DSCAM: variants seen among roughly 807,000 people sequenced by gnomAD.
The protein encoded by DSCAM is cell adhesion molecule DSCAM.
A neutral mutation model predicts 217.7 loss-of-function variants in DSCAM; 47 were observed. That is an observed-to-expected ratio of 0.22 (90% CI 0.17 to 0.28). The LOEUF (loss-of-function observed/expected upper bound fraction) is 0.28, where lower values mean the gene tolerates loss of function less well. Ranked by LOEUF, DSCAM falls within the 10% of genes least tolerant of loss-of-function variation. DSCAM has a pLI of 1.00. For synonymous variants in DSCAM, 1,056 were observed against 1,015.3 expected (o/e 1.04, Z -0.76); for missense variants, 2,080 against 2,618.3 (o/e 0.79, Z 4.49).
chr21:40,359,711 A>G (rs1872363775), intron 4 of DSCAM, among the ~76,000 whole-genome samples: 1 of 152,232 alleles, frequency 6.6e-6, no homozygotes, highest in Non-Finnish European at 1.5e-5. Flanking sequence ...CAAAATCCAT[A>G]TATCAATTTA....
intron 14 of DSCAM, among the ~76,000 whole-genome samples, chr21:40,185,648 C>T (rs1481294435): frequency 6.6e-6 from 1 of 152,246 alleles, no homozygotes; most frequent in Non-Finnish European, 1.5e-5. Flanking sequence ...ATCACTGTCA[C>T]TAAGTTCCAG....
chr21:40,803,184 C>T (rs1460589947), intron 1 of DSCAM, among the ~76,000 whole-genome samples: 1 of 152,214 alleles, frequency 6.6e-6, no homozygotes, highest in African/African-American at 2.4e-5. Flanking sequence ...CAGCTGAAAT[C>T]TCATATGTTT....
intron 3 of DSCAM, among the ~76,000 whole-genome samples, chr21:40,594,195 T>C (rs1322439363): frequency 2.0e-5 from 3 of 152,178 alleles, no homozygotes; most frequent in Non-Finnish European, 4.4e-5. Context: ...GTCATCCTCT[T>C]AAAGGTAAAA....
At chr21:40,712,397 A>G (rs1203215612) in intron 1 of DSCAM, among the ~76,000 whole-genome samples, 3 of 137,084 alleles carry the variant, frequency 2.2e-5, no homozygotes, top group African/African-American at 8.2e-5. Flanking sequence ...CGGGAAGCGG[A>G]GCTTGCAGTG....
intron 3 of DSCAM, among the ~76,000 whole-genome samples, chr21:40,413,393 G>A (rs572609814): frequency 6.6e-6 from 1 of 152,350 alleles, no homozygotes; most frequent in South Asian, 2.1e-4. Context: ...CAGAGGCAGA[G>A]CTGCCCAGAC....
At chr21:40,266,813 C>CA (rs2073543480) in intron 11 of DSCAM, among the ~76,000 whole-genome samples, 2 of 129,432 alleles carry the variant, frequency 1.5e-5, no homozygotes, top group South Asian at 4.8e-4. Context: ...CACACACACA[C>CA]CCCCACACAC....
intron 1 of DSCAM, among the ~76,000 whole-genome samples, chr21:40,745,783 C>T (rs535809725): frequency 4.0e-5 from 6 of 151,818 alleles, no homozygotes; most frequent in Admixed American, 1.3e-4. Context: ...AATTGTGGAA[C>T]GTAAACCACT....
intron 10 of DSCAM, among the ~76,000 whole-genome samples, 166 bp downstream of exon 10, chr21:40,295,889 C>T (rs1223285782): frequency 6.6e-6 from 1 of 152,194 alleles, no homozygotes; most frequent in African/African-American, 2.4e-5. Flanking sequence ...ATAAAAACAC[C>T]TAGGTGGACA....
intron 3 of DSCAM, among the ~76,000 whole-genome samples, chr21:40,393,242 T>TCC (rs1200429157): frequency 6.6e-6 from 1 of 152,130 alleles, no homozygotes; most frequent in Non-Finnish European, 1.5e-5. Context: ...TCTGGCACCT[T>TCC]CCCCTTCATC....
At chr21:40,324,103 C>CAAAAAAAAAAAAAAAAAAAAAAAAAAAAA (rs71330393) in intron 8 of DSCAM, among the ~76,000 whole-genome samples, 1 of 27,936 alleles carries the variant, frequency 3.6e-5, no homozygotes, top group African/African-American at 1.5e-4. Flanking sequence ...AACTCTGTCT[C>CAAAAAAAAAAAAAAAAAAAAAAAAAAAAA]AAAAAAAAAA....
intron 1 of DSCAM, among the ~76,000 whole-genome samples, chr21:40,738,274 A>G (rs1259147338): frequency 6.6e-6 from 1 of 152,258 alleles, no homozygotes; most frequent in East Asian, 1.9e-4. Context: ...CAGGTAGACC[A>G]TGCCAATGCA....
chr21:40,222,309 C>T (rs868161147), intron 11 of DSCAM, among the ~76,000 whole-genome samples: 1 of 152,242 alleles, frequency 6.6e-6, no homozygotes, highest in South Asian at 2.1e-4. Flanking sequence ...TAAATACTTT[C>T]CAAAAACCAA....
At chr21:40,686,360 CCACA>C (rs933380170) in intron 3 of DSCAM, among the ~76,000 whole-genome samples, 1 of 150,708 alleles carries the variant, frequency 6.6e-6, no homozygotes. Flanking sequence ...CACACACACA[CCACA>C]CACACTACAC....
intron 15 of DSCAM, among the ~76,000 whole-genome samples, chr21:40,169,266 T>C (rs895360940): frequency 1.2e-4 from 18 of 152,070 alleles, no homozygotes; most frequent in African/African-American, 2.7e-4. Context: ...AAGAAGCGGG[T>C]TGAAACCTGA....
In DSCAM at chr21:40,442,510, TTTTTTTG is replaced by T. The variant is rs1377979330; in HGVS notation, c.509-73272_509-73266del. ...TGATACAAATTAAGACCCCTAATTT[TTTTTTTG>T]TTTTTTTTTTTTTTTTTGGTGAGAT... On this transcript the variant is annotated intron_variant, in intron 3 of 32. Transcript: ENST00000400454. Among the ~76,000 whole-genome samples, 457 of 83,484 alleles carry T rather than the reference TTTTTTTG, an allele frequency of 5.5e-3. 4 individuals carry two copies. Among genetic ancestry groups the T allele is most frequent in the African/African-American group, 0.016 (413 of 26,468 alleles). 54.8% of individuals were successfully genotyped at this position (83,484 alleles called of 152,430 possible). A position where few individuals can be genotyped will look rare whatever the true frequency, so the allele number is the denominator to read the frequency against.
At chr21:40,055,658 G>C in intron 29 of DSCAM, 67 bp downstream of exon 29, 1 of 1,170,412 alleles carries the variant, frequency 8.5e-7, no homozygotes, top group East Asian at 2.4e-5. Context: ...CCACATCCTG[G>C]GGTTTGGATT....
chr21:40,579,141 C>A (rs1256579786), intron 3 of DSCAM, among the ~76,000 whole-genome samples: 1 of 151,990 alleles, frequency 6.6e-6, no homozygotes, highest in Non-Finnish European at 1.5e-5. Context: ...CAGACCACAG[C>A]CCACCACAGA....
intron 3 of DSCAM, among the ~76,000 whole-genome samples, chr21:40,434,661 A>G (rs752877868): frequency 6.6e-6 from 1 of 152,218 alleles, no homozygotes. Context: ...CACCTCAATT[A>G]TAATTGCAAA....
At chr21:40,456,680 G>GAAGTGC (rs2075766523) in intron 3 of DSCAM, among the ~76,000 whole-genome samples, 1 of 68,300 alleles carries the variant, frequency 1.5e-5, no homozygotes, top group African/African-American at 5.1e-5. Context: ...AAATTATTGT[G>GAAGTGC]AATACACAAT....
Sources: allele counts gnomAD v4.1 joint callset (sites outside exome capture counted in the v4.1 genomes callset), GRCh38; gene constraint gnomAD v4.1.1; transcripts MANE v1.5; gene names NCBI Gene and HGNC (gene_info 2026-07-23, HGNC 2026-07-21).